The following XYLT1 variants were observed in gnomAD, a reference collection of about 807,000 sequenced individuals.
XYLT1 encodes the protein xylosyltransferase 1.
In XYLT1, 36 loss-of-function variants were observed where a neutral mutation model predicts 91.3. The ratio of observed to expected loss-of-function variants is 0.39; its 90% CI spans 0.30 to 0.52. XYLT1 has a LOEUF of 0.52. Ranked by LOEUF, XYLT1 falls within the 20% of genes least tolerant of loss-of-function variation. The probability of loss-of-function intolerance (pLI) is 0.68; values close to 1 mark genes in which losing one functional copy is unlikely to be tolerated. For missense variants in XYLT1, 1,242 were observed against 1,284.5 expected (o/e 0.97, Z 0.51); for synonymous variants, 588 against 532.0 (o/e 1.11, Z -1.45).
At chr16:17,286,232 C>T (rs1296599822) in intron 2 of XYLT1, among the ~76,000 whole-genome samples, 5 of 152,114 alleles carry the variant, frequency 3.3e-5, no homozygotes, top group African/African-American at 4.8e-5. Flanking sequence ...AAATCAAGAC[C>T]CTTCTCCACC....
chr16:17,287,028 G>A lies in XYLT1; in HGVS notation c.403-27530C>T, dbSNP rs142778549. Among the ~76,000 whole-genome samples, 24 of 152,120 alleles carry A rather than the reference G, an allele frequency of 1.6e-4. No homozygotes were observed. In the East Asian group the frequency reaches 4.5e-3, roughly 28 times the overall value. On this transcript the variant is annotated intron_variant, in intron 2 of 11. Coordinates refer to ENST00000261381, the MANE Select transcript of XYLT1 (RefSeq NM_022166.4). ...AATAAAAAAGATTCCCCTTACTCTG[G>A]GCAATTGCAGCCCTGAGTCTACAGT...
chr16:17,197,386 C>A (rs767392117), intron 5 of XYLT1, among the ~76,000 whole-genome samples: 19 of 152,224 alleles, frequency 1.2e-4, no homozygotes, highest in Non-Finnish European at 2.2e-4. Context: ...TTGCCCCTTA[C>A]TTTATTTTTC....
At chr16:17,458,716 T>G (rs1567210613) in intron 1 of XYLT1, among the ~76,000 whole-genome samples, 1 of 152,152 alleles carries the variant, frequency 6.6e-6, no homozygotes, top group Non-Finnish European at 1.5e-5. Flanking sequence ...CAATCAGGAT[T>G]TGAAATCCAG....
In XYLT1 at chr16:17,139,395, G is replaced by A. The variant is rs945130680; in HGVS notation, c.1588-864C>T. Among the ~76,000 whole-genome samples, 3 of 152,174 alleles carry A rather than the reference G, an allele frequency of 2.0e-5. No homozygotes were observed. In the East Asian group the frequency reaches 5.8e-4, roughly 29 times the overall value. ...GAGATGCAGGAGGTGGGACTGAACA[G>A]AGACCCTGGAGTATATGTGCTTGTG... On this transcript the variant is annotated intron_variant, in intron 7 of 11. Transcript: ENST00000261381.
chr16:17,225,152 T>TACAC lies in XYLT1; in HGVS notation c.914-24502_914-24499dup, dbSNP rs751269290. The stretch of plus-strand genomic sequence containing the variant: ...CCTCGTAAGCCACCAATTCTTATTT[T>TACAC]ACACACACACACACACACACACACA... On this transcript the variant is annotated intron_variant, in intron 3 of 11. Transcript: ENST00000261381. Among the ~76,000 whole-genome samples, 384 of 147,600 alleles carry TACAC rather than the reference T, an allele frequency of 2.6e-3. 1 individual carries two copies. The highest frequency in any genetic ancestry group is 7.5e-3 in the African/African-American group (295 of 39,394).
chr16:17,174,471 T>A (rs1336932350), intron 5 of XYLT1, among the ~76,000 whole-genome samples: 1 of 152,170 alleles, frequency 6.6e-6, no homozygotes, highest in Non-Finnish European at 1.5e-5. Context: ...CAAGCTACAA[T>A]GCAGATGAAC....
At chr16:17,452,910 A>G (rs2036685798) in intron 1 of XYLT1, among the ~76,000 whole-genome samples, 1 of 152,190 alleles carries the variant, frequency 6.6e-6, no homozygotes, top group Non-Finnish European at 1.5e-5. Flanking sequence ...GTTTCAATGA[A>G]TACTTACAAT....
intron 2 of XYLT1, among the ~76,000 whole-genome samples, chr16:17,330,317 AC>A (rs2034875165): frequency 6.6e-6 from 1 of 152,036 alleles, no homozygotes. Flanking sequence ...CATCCACTCA[AC>A]CCCCAGAAGG....
chr16:17,313,565 C>T (rs544831330), intron 2 of XYLT1, among the ~76,000 whole-genome samples: 1 of 152,248 alleles, frequency 6.6e-6, no homozygotes, highest in East Asian at 1.9e-4. Context: ...TGGTTTCTAG[C>T]CAGATCCGTG....
chr16:17,127,809 G>C lies in XYLT1; in HGVS notation c.2080C>G (p.Arg694Gly). 6.2e-7 allele frequency: 1 copy of C among 1,614,064 alleles called. No homozygotes were observed. Among genetic ancestry groups the C allele is most frequent in the Non-Finnish European group, 8.5e-7 (1 of 1,180,014 alleles). Residue 694 changes from arginine (R) to glycine (G), a missense_variant, in exon 10 of 12, where the codon CGC becomes GGC. By Grantham distance (125) the Arg-to-Gly change is moderately radical. Around this residue, in one of 3 missense-constraint regions of XYLT1, gnomAD observed 511 missense variants for 497.0 expected, o/e 1.03. Transcript: ENST00000261381. Reference sequence around the variant, plus strand: ...TGCTTGATCAGAAAGCCCTGGAAGCGGTCAGCAAGGAAGTAGAGGTGCACA... The same window carrying C: ...TGCTTGATCAGAAAGCCCTGGAAGCCGTCAGCAAGGAAGTAGAGGTGCACA... ...ASVHLYFLAD[R>G]FQGFLIKHHA...
At chr16:17,205,972 T>C (rs2032636148) in intron 3 of XYLT1, among the ~76,000 whole-genome samples, 1 of 152,088 alleles carries the variant, frequency 6.6e-6, no homozygotes, top group South Asian at 2.1e-4. Context: ...TGTATGCAAA[T>C]GAGGCTTGGG....
intron 2 of XYLT1, among the ~76,000 whole-genome samples, chr16:17,264,737 AG>A (rs1244829225): frequency 2.0e-5 from 3 of 152,356 alleles, no homozygotes; most frequent in African/African-American, 4.8e-5. Context: ...AGACAGTATT[AG>A]TACTCCTTAA....
chr16:17,192,434 C>T (rs530639765), intron 5 of XYLT1, among the ~76,000 whole-genome samples: 1 of 152,268 alleles, frequency 6.6e-6, no homozygotes, highest in African/African-American at 2.4e-5. Flanking sequence ...AGCCAAGAAA[C>T]AGGGCAAAGT....
intron 2 of XYLT1, among the ~76,000 whole-genome samples, chr16:17,275,362 T>C (rs534167266): frequency 1.2e-4 from 19 of 152,184 alleles, no homozygotes; most frequent in Non-Finnish European, 2.5e-4. Flanking sequence ...CAACTACGCT[T>C]GGCTCAGTGC....
chr16:17,291,032 T>G (rs558869117), intron 2 of XYLT1, among the ~76,000 whole-genome samples: 79 of 152,320 alleles, frequency 5.2e-4, no homozygotes, highest in Non-Finnish European at 9.0e-4. Context: ...CCTCCCAGGC[T>G]CAAGGGATCC....
chr16:17,145,090 C>T (rs546372018), intron 6 of XYLT1, among the ~76,000 whole-genome samples: 1 of 152,304 alleles, frequency 6.6e-6, no homozygotes. Context: ...TTTACCAATT[C>T]TAGATATTTC....
chr16:17,441,130 T>C (rs2036526605), intron 1 of XYLT1, among the ~76,000 whole-genome samples: 1 of 151,834 alleles, frequency 6.6e-6, no homozygotes, highest in Non-Finnish European at 1.5e-5. Flanking sequence ...CCTCAGCTCA[T>C]GCCTCCGCAC....
intron 5 of XYLT1, among the ~76,000 whole-genome samples, chr16:17,188,464 G>A (rs1260299534): frequency 6.6e-6 from 1 of 151,978 alleles, no homozygotes; most frequent in African/African-American, 2.4e-5. Context: ...ATATGCCAGG[G>A]TCCCAAGCTA....
rs565194685 is a variant in XYLT1 at position 17,324,606 on chromosome 16, G to A, written c.402+33406C>T. 2.7e-4 allele frequency among the ~76,000 whole-genome samples: 41 copies of A among 152,318 alleles called. No individual in the cohort carries two copies. In the South Asian group the frequency reaches 6.0e-3, roughly 22 times the overall value. On this transcript the variant is annotated intron_variant, in intron 2 of 11. Coordinates refer to ENST00000261381, the MANE Select transcript of XYLT1 (RefSeq NM_022166.4). ...GTCCTTCGTTTCTGAGCGCGTCTTC[G>A]TGCACACAGTGAGAAACCCTGGGGA...
Sources: allele counts gnomAD v4.1 joint callset (sites outside exome capture counted in the v4.1 genomes callset), GRCh38; gene constraint gnomAD v4.1.1; regional missense constraint gnomAD v4.1.1; transcripts MANE v1.5; gene names NCBI Gene and HGNC (gene_info 2026-07-23, HGNC 2026-07-21).